The following MTUS2 variants were observed in gnomAD, a reference collection of about 807,000 sequenced individuals.
MTUS2 encodes microtubule-associated tumor suppressor candidate 2.
MTUS2 carries 40 observed loss-of-function variants against 114.1 expected under a neutral mutation model. The ratio of observed to expected loss-of-function variants is 0.35; its 90% confidence interval spans 0.27 to 0.46. The LOEUF (loss-of-function observed/expected upper bound fraction) is 0.46. MTUS2 is among the 20% of genes least tolerant of loss of function. The probability of loss-of-function intolerance (pLI) is 1.00; values close to 1 mark genes in which losing one functional copy is unlikely to be tolerated. For missense variants in MTUS2, 1,679 were observed against 1,705.4 expected (o/e 0.98, Z 0.27); for synonymous variants, 688 against 672.0 (o/e 1.02, Z -0.37).
intron 5 of MTUS2, among the ~76,000 whole-genome samples, chr13:29,104,215 A>C (rs964998499): frequency 6.6e-6 from 1 of 152,198 alleles, no homozygotes; most frequent in Admixed American, 6.5e-5. Flanking sequence ...AGACAGGCAC[A>C]GGGAAATGAA....
chr13:29,009,644 A>G (rs1016706286), intron 2 of MTUS2, among the ~76,000 whole-genome samples: 38 of 152,318 alleles, frequency 2.5e-4, no homozygotes, highest in African/African-American at 8.7e-4. Flanking sequence ...AACTGTGTTC[A>G]TGGTTTCTCT....
intron 2 of MTUS2, among the ~76,000 whole-genome samples, chr13:28,920,344 A>G (rs1593300510): frequency 6.6e-6 from 1 of 152,176 alleles, no homozygotes; most frequent in African/African-American, 2.4e-5. Flanking sequence ...GTGGTCTTTG[A>G]TAAAATCGGA....
intron 8 of MTUS2, among the ~76,000 whole-genome samples, chr13:29,413,355 A>G (rs2077107452): frequency 6.6e-6 from 1 of 151,826 alleles, no homozygotes; most frequent in African/African-American, 2.4e-5. Flanking sequence ...AAAACCCTAG[A>G]AGAAAACCTA....
At chr13:28,902,415 C>G (rs542887729) in intron 2 of MTUS2, among the ~76,000 whole-genome samples, 48 of 152,222 alleles carry the variant, frequency 3.2e-4, no homozygotes, top group Non-Finnish European at 6.3e-4. Context: ...GGGAAACATT[C>G]AGGCATTAAG....
chr13:29,318,715 G>A lies in MTUS2; in HGVS notation c.2807-5898G>A, dbSNP rs995379782. On this transcript the variant is annotated intron_variant, in intron 6 of 15. Coordinates refer to ENST00000612955, the MANE Select transcript of MTUS2 (RefSeq NM_001033602.4). ...AATGGTGCTTCTGCCAGCTGTTGTC[G>A]AAGCCACTGATAGCATTGTGGAAGG... is the stretch of plus-strand genomic sequence containing the variant. 7.9e-5 allele frequency among the ~76,000 whole-genome samples: 12 copies of A among 152,158 alleles called. 1 individual carries two copies. The highest frequency in any genetic ancestry group is 7.7e-4 in the East Asian group (4 of 5,176).
intron 2 of MTUS2, among the ~76,000 whole-genome samples, chr13:28,861,909 G>A (rs1048144289): frequency 6.6e-6 from 1 of 152,036 alleles, no homozygotes; most frequent in Non-Finnish European, 1.5e-5. Context: ...ACCCCCATAC[G>A]CTCCTTCCCT....
At chr13:29,302,774 A>G (rs981422759) in intron 6 of MTUS2, among the ~76,000 whole-genome samples, 9 of 152,218 alleles carry the variant, frequency 5.9e-5, no homozygotes, top group African/African-American at 2.2e-4. Flanking sequence ...GGTCCCTCCA[A>G]TGCAGCACAC....
At chr13:29,377,928 A>G (rs771982737) in intron 8 of MTUS2, among the ~76,000 whole-genome samples, 2 of 152,256 alleles carry the variant, frequency 1.3e-5, no homozygotes, top group African/African-American at 2.4e-5. Flanking sequence ...AAGAGAGGCT[A>G]TCCCTGCAGA....
chr13:29,084,722 G>A (rs1430141777), intron 4 of MTUS2, among the ~76,000 whole-genome samples: 2 of 151,380 alleles, frequency 1.3e-5, no homozygotes, highest in East Asian at 2.0e-4. Context: ...ATTTTTAGTA[G>A]AGGTGGGGTT....
chr13:28,876,352 G>A (rs976019621), intron 2 of MTUS2, among the ~76,000 whole-genome samples: 7 of 152,192 alleles, frequency 4.6e-5, no homozygotes, highest in African/African-American at 1.7e-4. Context: ...ATTGGTTAAA[G>A]AATGAGATTT....
rs1879222263 is a variant in MTUS2 at position 28,895,652 on chromosome 13, T to C, written c.-243+55802T>C. Among the ~76,000 whole-genome samples the C allele has an allele frequency of 1.3e-5, 2 of 152,184 alleles. 1 individual carries two copies. The highest frequency in any genetic ancestry group is 4.1e-4 in the South Asian group (2 of 4,822). On this transcript the variant is annotated intron_variant, in intron 2 of 15. Transcript: ENST00000612955. Reference sequence around the variant, plus strand: ...AGGTCCATGAAGATGAGTATTAAGTTCTTGGGAAATCACAATAACTGAGTT... The same window carrying C: ...AGGTCCATGAAGATGAGTATTAAGTCCTTGGGAAATCACAATAACTGAGTT...
At chr13:29,201,033 T>G (rs1733603572) in intron 5 of MTUS2, among the ~76,000 whole-genome samples, 1 of 152,298 alleles carries the variant, frequency 6.6e-6, no homozygotes, top group Middle Eastern at 3.4e-3. Context: ...GTCTGCTTGG[T>G]CCAGAGCTGA....
chr13:29,298,147 T>C (rs2139597896), intron 6 of MTUS2, among the ~76,000 whole-genome samples: 1 of 152,322 alleles, frequency 6.6e-6, no homozygotes. Flanking sequence ...AATATTGATT[T>C]GAAGATGAAT....
At chr13:29,408,056 T>C (rs1415837958) in intron 8 of MTUS2, among the ~76,000 whole-genome samples, 1 of 152,220 alleles carries the variant, frequency 6.6e-6, no homozygotes, top group Admixed American at 6.5e-5. Context: ...TAGAAATAGT[T>C]TCTACATATT....
At chr13:29,145,018 T>C (rs1250566960) in intron 5 of MTUS2, among the ~76,000 whole-genome samples, 1 of 152,244 alleles carries the variant, frequency 6.6e-6, no homozygotes, top group Non-Finnish European at 1.5e-5. Context: ...TTTGGCTACA[T>C]TCTTGAATCA....
At chr13:29,216,518 G>A (rs1370581243) in intron 5 of MTUS2, among the ~76,000 whole-genome samples, 2 of 152,150 alleles carry the variant, frequency 1.3e-5, no homozygotes, top group Non-Finnish European at 2.9e-5. Context: ...GCACATGAGG[G>A]AATCTCCTGG....
intron 8 of MTUS2, among the ~76,000 whole-genome samples, chr13:29,411,116 C>T (rs1037443175): frequency 1.3e-5 from 2 of 152,174 alleles, no homozygotes; most frequent in African/African-American, 4.8e-5. Context: ...TGCTCACAGG[C>T]TTGAGCCACT....
At chr13:29,028,876 G>A (rs572128155) in intron 3 of MTUS2, among the ~76,000 whole-genome samples, 4 of 152,208 alleles carry the variant, frequency 2.6e-5, no homozygotes, top group African/African-American at 9.6e-5. Flanking sequence ...ATATGTGTTG[G>A]AACTAAACAA....
At chr13:28,898,697 A>G (rs1350044795) in intron 2 of MTUS2, among the ~76,000 whole-genome samples, 1 of 152,208 alleles carries the variant, frequency 6.6e-6, no homozygotes, top group African/African-American at 2.4e-5. Flanking sequence ...GAATGTCTCA[A>G]TGGGAATCAT....
Sources: allele counts gnomAD v4.1 joint callset (sites outside exome capture counted in the v4.1 genomes callset), GRCh38; gene constraint gnomAD v4.1.1; transcripts MANE v1.5; gene names NCBI Gene and HGNC (gene_info 2026-07-23, HGNC 2026-07-21).